ABCA13: variants seen among roughly 807,000 people sequenced by gnomAD.
The protein encoded by ABCA13 is ATP binding cassette subfamily A member 13, also known as ATP-binding cassette sub-family A member 13.
Under a neutral mutation model 478.7 loss-of-function variants are expected in ABCA13, and 476 were observed. That is an observed-to-expected ratio of 0.99 (90% CI 0.92 to 1.07). ABCA13 has a LOEUF of 1.07. Ranked by LOEUF, ABCA13 falls within the 50% of genes least tolerant of loss-of-function variation. The probability of loss-of-function intolerance (pLI) is 0.00; values close to 1 mark genes in which losing one functional copy is unlikely to be tolerated. For synonymous variants in ABCA13, 2,252 were observed against 2,158.9 expected, an observed-to-expected ratio of 1.04 and a Z score of -1.20; for missense variants, 6,060 against 5,910.6, an observed-to-expected ratio of 1.03 and a Z score of -0.83.
At chr7:48,330,649 C>A (rs1353569447) in intron 27 of ABCA13, among the ~76,000 whole-genome samples, 2 of 151,834 alleles carry the variant, frequency 1.3e-5, no homozygotes, top group African/African-American at 4.8e-5. Flanking sequence ...ATCCATCCAT[C>A]CATCTATTCA....
chr7:48,400,805 T>A (rs929224917), intron 38 of ABCA13, among the ~76,000 whole-genome samples: 7 of 152,236 alleles, frequency 4.6e-5, no homozygotes, highest in African/African-American at 1.7e-4. Flanking sequence ...AATGTGTCAT[T>A]CTGTACAAAA....
intron 59 of ABCA13, among the ~76,000 whole-genome samples, chr7:48,639,588 G>A (rs979066747): frequency 6.6e-6 from 1 of 152,192 alleles, no homozygotes; most frequent in Non-Finnish European, 1.5e-5. Context: ...ATCTTTAAAG[G>A]TATTTCCTAC....
chr7:48,510,707 C>G (rs1468597249), intron 50 of ABCA13, among the ~76,000 whole-genome samples: 1 of 152,170 alleles, frequency 6.6e-6, no homozygotes, highest in Non-Finnish European at 1.5e-5. Context: ...GGCTTGTGGA[C>G]AGCCATCCTC....
chr7:48,511,239 T>G, intron 51 of ABCA13, 40 bp downstream of exon 51: 1 of 1,534,690 alleles, frequency 6.5e-7, no homozygotes, highest in Non-Finnish European at 8.9e-7. Flanking sequence ...TACGGTTTGT[T>G]TTCTGAAAGA....
chr7:48,465,319 G>C (rs1336466810), intron 43 of ABCA13, among the ~76,000 whole-genome samples: 3 of 152,154 alleles, frequency 2.0e-5, no homozygotes, highest in Admixed American at 6.5e-5. Context: ...CTAATGAGAA[G>C]TTTCTTCTCA....
intron 15 of ABCA13, among the ~76,000 whole-genome samples, chr7:48,266,586 T>G (rs1217454989): frequency 2.0e-5 from 3 of 151,864 alleles, no homozygotes; most frequent in Non-Finnish European, 3.0e-5. Flanking sequence ...ACTTGTGCCA[T>G]TTTTTCTTGA....
At chr7:48,520,408 A>G in intron 53 of ABCA13, 114 bp downstream of exon 53, 14 of 1,210,394 alleles carry the variant, frequency 1.2e-5, no homozygotes, top group Non-Finnish European at 1.4e-5. Flanking sequence ...AGCATTATAC[A>G]TAGTTCTAAT....
At chr7:48,487,945 T>A (rs1323214077) in intron 47 of ABCA13, among the ~76,000 whole-genome samples, 1 of 152,224 alleles carries the variant, frequency 6.6e-6, no homozygotes, top group Non-Finnish European at 1.5e-5. Flanking sequence ...TACCCTACTT[T>A]GGAGAATTGT....
chr7:48,443,730 A>G (rs1370172392), intron 42 of ABCA13, among the ~76,000 whole-genome samples: 1 of 152,042 alleles, frequency 6.6e-6, no homozygotes, highest in Non-Finnish European at 1.5e-5. Flanking sequence ...TGCCAAGTCA[A>G]TTTCAAATGT....
intron 35 of ABCA13, among the ~76,000 whole-genome samples, chr7:48,384,829 G>T (rs1814933384): frequency 6.6e-6 from 1 of 152,044 alleles, no homozygotes; most frequent in Admixed American, 6.5e-5. Flanking sequence ...GTATATATAT[G>T]GACTGGTTTC....
Position 48,528,425 on chromosome 7 carries a change from G to A in ABCA13, c.14354+80G>A, listed in dbSNP as rs550858700. 95 of 990,062 alleles carry A rather than the reference G, an allele frequency of 9.6e-5. No individual in the cohort carries two copies. The Middle Eastern group carries it at 1.6e-3, about 16-fold the overall frequency. 61.3% of individuals were successfully genotyped at this position (990,062 alleles called of 1,614,324 possible). A position where few individuals can be genotyped will look rare whatever the true frequency, so the allele number is the denominator to read the frequency against. On this transcript the variant is annotated intron_variant, in intron 55 of 61. Transcript: ENST00000435803. ...ACCCCCAGCATTTTCCCTCAGTCCC[G>A]TGGAATAAAATTTGAAAACATCATT...
chr7:48,238,437 A>G (rs908633610), intron 8 of ABCA13, among the ~76,000 whole-genome samples: 3 of 152,102 alleles, frequency 2.0e-5, no homozygotes, highest in Non-Finnish European at 4.4e-5. Flanking sequence ...AGTATTTACA[A>G]AGCAGTGTTA....
rs1046201629 is a variant in ABCA13, at chr7:48,436,709, T to C, written c.12565+8838T>C. ...TTACTGCAACCCAGAAATTTTGGTA[T>C]GTTGTGTTTTCACTTCATTCGTTTC... On this transcript the variant is annotated intron_variant, in intron 42 of 61. Coordinates refer to ENST00000435803, the MANE Select transcript of ABCA13 (RefSeq NM_152701.5). 1.4e-4 allele frequency among the ~76,000 whole-genome samples: 21 copies of C among 151,858 alleles called. 1 individual carries two copies. The highest frequency in any genetic ancestry group is 1.3e-3 in the Admixed American group (20 of 15,226).
intron 55 of ABCA13, among the ~76,000 whole-genome samples, chr7:48,539,913 C>T (rs1434323340): frequency 2.6e-5 from 4 of 152,106 alleles, no homozygotes; most frequent in Non-Finnish European, 4.4e-5. Flanking sequence ...TTCTGTCTGT[C>T]GGCAGATAAT....
At chr7:48,411,074 T>G (rs1306919652) in intron 40 of ABCA13, among the ~76,000 whole-genome samples, 1 of 120,486 alleles carries the variant, frequency 8.3e-6, no homozygotes, top group Non-Finnish European at 1.9e-5. Flanking sequence ...TCTTTCTTTT[T>G]CTTTCTTTCT....
chr7:48,221,691 A>T (rs1787382078), intron 5 of ABCA13, among the ~76,000 whole-genome samples: 1 of 152,200 alleles, frequency 6.6e-6, no homozygotes, highest in African/African-American at 2.4e-5. Context: ...AGTTATCAAC[A>T]GGGGGGATTT....
At chr7:48,497,067 A>G (rs1410051712) in intron 48 of ABCA13, among the ~76,000 whole-genome samples, 1 of 151,980 alleles carries the variant, frequency 6.6e-6, no homozygotes, top group Non-Finnish European at 1.5e-5. Flanking sequence ...TCAGGTAATA[A>G]GATTATTAGC....
chr7:48,434,741 C>CCCCACATCAGTTA (rs1822599366), intron 42 of ABCA13, among the ~76,000 whole-genome samples: 2 of 151,864 alleles, frequency 1.3e-5, no homozygotes, highest in African/African-American at 2.4e-5. Context: ...ATCCAGTATT[C>CCCCACATCAGTTA]CCCACATCAG....
chr7:48,200,278 A>T (rs187954584), intron 3 of ABCA13, among the ~76,000 whole-genome samples: 1 of 152,286 alleles, frequency 6.6e-6, no homozygotes, highest in East Asian at 1.9e-4. Context: ...GAGGCAGGAG[A>T]ATTGCTTGAA....
Sources: gnomAD v4.1 joint callset for allele counts (sites outside exome capture counted in the v4.1 genomes callset) on GRCh38, gnomAD v4.1.1 for gene constraint, MANE v1.5 for transcripts, NCBI Gene and HGNC (gene_info 2026-07-23, HGNC 2026-07-21) for gene names.